The following ORC5 variants were observed in gnomAD, a reference collection of about 807,000 sequenced individuals.
The protein encoded by ORC5 is protein phosphatase 1, regulatory subunit 117.
Under a neutral mutation model 58.8 loss-of-function variants are expected in ORC5, and 39 were observed. That is an observed-to-expected ratio of 0.66 (90% confidence interval 0.51 to 0.87). ORC5 has a LOEUF of 0.87. ORC5 is among the 40% of genes least tolerant of loss of function. The pLI is 0.00. For missense variants in ORC5, 493 were observed against 506.3 expected, an observed-to-expected ratio of 0.97 and a Z score of 0.25; for synonymous variants, 218 against 177.6, an observed-to-expected ratio of 1.23 and a Z score of -1.81.
At chr7:104,127,496 T>C (rs1236483309) in intron 13 of ORC5, among the ~76,000 whole-genome samples, 1 of 152,134 alleles carries the variant, frequency 6.6e-6, no homozygotes, top group East Asian at 1.9e-4. Context: ...GAGAGAGACA[T>C]ATAATTATTC....
intron 8 of ORC5, among the ~76,000 whole-genome samples, chr7:104,168,835 A>G (rs148142160): frequency 0.015 from 2,254 of 152,288 alleles, 60 homozygotes; most frequent in African/African-American, 0.051. Flanking sequence ...TAATCCCAGC[A>G]CTTTGGGAGG....
intron 2 of ORC5, among the ~76,000 whole-genome samples, chr7:104,202,117 C>T (rs1799960588): frequency 6.6e-6 from 1 of 151,832 alleles, no homozygotes; most frequent in Non-Finnish European, 1.5e-5. Flanking sequence ...AAAAAACTAG[C>T]CCTTCATTTA....
chr7:104,170,912 T>A (rs895884207), intron 8 of ORC5, among the ~76,000 whole-genome samples: 1 of 152,182 alleles, frequency 6.6e-6, no homozygotes, highest in Non-Finnish European at 1.5e-5. Flanking sequence ...TTTTACCTCT[T>A]TTTTTAGTTT....
At chr7:104,161,028 G>A in intron 12 of ORC5, 44 bp downstream of exon 12, 1 of 1,060,480 alleles carries the variant, frequency 9.4e-7, no homozygotes, top group Non-Finnish European at 1.5e-6. Flanking sequence ...ACTATCTGAA[G>A]AATCCCACAA....
At chr7:104,150,914 T>C (rs1043014012) in intron 12 of ORC5, among the ~76,000 whole-genome samples, 1 of 152,112 alleles carries the variant, frequency 6.6e-6, no homozygotes, top group Non-Finnish European at 1.5e-5. Flanking sequence ...TATCTGACTA[T>C]AGAGAAGAAA....
At chr7:104,187,632 T>C (rs1799577344) in intron 6 of ORC5, 1 of 469,728 alleles carries the variant, frequency 2.1e-6, no homozygotes, top group African/African-American at 2.1e-5. Flanking sequence ...TTCCCATCCC[T>C]ACAATTAAAA....
intron 6 of ORC5, chr7:104,184,375 G>C (rs1473522841): frequency 9.0e-6 from 5 of 557,322 alleles, no homozygotes; most frequent in South Asian, 8.8e-5. Flanking sequence ...TTGAGCCCAG[G>C]AGATCAAGCC....
intron 12 of ORC5, among the ~76,000 whole-genome samples, chr7:104,145,615 C>T (rs1157624061): frequency 6.6e-6 from 1 of 152,034 alleles, no homozygotes; most frequent in East Asian, 1.9e-4. Flanking sequence ...GAACTTCCCA[C>T]CCAGACAGGA....
intron 6 of ORC5, 184 bp downstream of exon 6, chr7:104,188,067 T>TAC (rs914382174): frequency 1.0e-6 from 1 of 978,074 alleles, no homozygotes; most frequent in African/African-American, 1.6e-5. Flanking sequence ...CACAGACATC[T>TAC]ACCTTCTTAT....
chr7:104,187,765 T>C (rs1430033159), intron 6 of ORC5: 1 of 978,850 alleles, frequency 1.0e-6, no homozygotes, highest in Non-Finnish European at 1.2e-6. Context: ...GATTACCAGC[T>C]CAGGGTCAGT....
rs1009694346 is a variant in ORC5, at chr7:104,129,446, C to T, written c.1263-2553G>A. On this transcript the variant is annotated intron_variant, in intron 13 of 13. Transcript: ENST00000297431. This position sits in a 1 kb window ranked among gnomAD's most constrained non-coding sequence, Gnocchi z 4.9. Reference sequence around the variant, plus strand: ...AAATCATTCCTTTAAGAAACATTTACTTCCCAAGATGTATCACTATCTCTA... The same window carrying T: ...AAATCATTCCTTTAAGAAACATTTATTTCCCAAGATGTATCACTATCTCTA... Among the ~76,000 whole-genome samples, 3 of 152,082 alleles carry T rather than the reference C, an allele frequency of 2.0e-5. No homozygotes were observed. The highest frequency in any genetic ancestry group is 4.8e-5 in the African/African-American group (2 of 41,406).
chr7:104,188,367 T>A lies in ORC5; in HGVS notation c.568A>T (p.Ile190Phe). 6.2e-7 allele frequency: 1 copy of A among 1,609,032 alleles called. No individual in the cohort carries two copies. The highest frequency in any genetic ancestry group is 8.5e-7 in the Non-Finnish European group (1 of 1,176,062). Residue 190 changes from isoleucine (I) to phenylalanine (F), a missense_variant, in exon 6 of 14, where the codon ATC (isoleucine) becomes TTC (phenylalanine). Ile to Phe is a conservative substitution (Grantham distance 21, BLOSUM62 0). Transcript: ENST00000297431. The stretch of plus-strand genomic sequence containing the variant: ...TCTGGAGGATGATCATGGGACAGGA[T>A]CTTTTGAAGGTTGCCTGTTCACAGG... ...PDYSIGNLQK[I>F]LSHDHPPEYS...
chr7:104,192,189 G>C (rs576247731), intron 5 of ORC5, among the ~76,000 whole-genome samples: 2 of 152,258 alleles, frequency 1.3e-5, no homozygotes, highest in South Asian at 2.1e-4. Flanking sequence ...TTGCAGGGCA[G>C]AGTACCTGAG....
intron 1 of ORC5, among the ~76,000 whole-genome samples, chr7:104,207,090 C>T (rs563891994): frequency 6.6e-6 from 1 of 152,314 alleles, no homozygotes; most frequent in African/African-American, 2.4e-5. Flanking sequence ...ACCCTGAATT[C>T]TCATTCACTC....
In ORC5 at chr7:104,138,283, A is replaced by G. The variant is rs1398637332; in HGVS notation, c.1150-1390T>C. Among the ~76,000 whole-genome samples the G allele has an allele frequency of 1.3e-5, 2 of 152,202 alleles. No individual in the cohort carries two copies. Among genetic ancestry groups the G allele is most frequent in the East Asian group, 3.8e-4 (2 of 5,204 alleles). Reference sequence around the variant, plus strand: ...CTTTGTTTCATTACTCAGACACATGACCGCTAAACCTTTAAAAGCTGCAAA... The same window carrying G: ...CTTTGTTTCATTACTCAGACACATGGCCGCTAAACCTTTAAAAGCTGCAAA... On this transcript the variant is annotated intron_variant, in intron 12 of 13. Coordinates refer to ENST00000297431, the MANE Select transcript of ORC5 (RefSeq NM_002553.4). The surrounding 1 kb of genome is among the most constrained non-coding windows in gnomAD (Gnocchi z 4.7).
chr7:104,191,064 A>G lies in ORC5; in HGVS notation c.554-2683T>C, dbSNP rs2116025018. Among the ~76,000 whole-genome samples, 2 of 149,572 alleles carry G rather than the reference A, an allele frequency of 1.3e-5. 1 individual carries two copies. The highest frequency in any genetic ancestry group is 4.9e-5 in the African/African-American group (2 of 40,728). On this transcript the variant is annotated intron_variant, in intron 5 of 13. Transcript: ENST00000297431. ...TTTTATACTTAGAATATTAGCCTGA[A>G]TGGATACTAGATGAGACACTGTTAC... is the stretch of plus-strand genomic sequence containing the variant.
chr7:104,205,151 G>A (rs772876890), intron 1 of ORC5, among the ~76,000 whole-genome samples: 8 of 143,420 alleles, frequency 5.6e-5, no homozygotes, highest in Admixed American at 4.3e-4. Context: ...GTGCAATGGC[G>A]TGACCTCGGC....
intron 8 of ORC5, among the ~76,000 whole-genome samples, chr7:104,170,573 CAGA>C (rs1366507546): frequency 3.3e-5 from 5 of 152,148 alleles, no homozygotes; most frequent in Non-Finnish European, 5.9e-5. Flanking sequence ...TGAGAACCTC[CAGA>C]AGAAAAGCCC....
intron 8 of ORC5, among the ~76,000 whole-genome samples, chr7:104,171,228 G>A (rs1799205565): frequency 1.3e-5 from 2 of 152,180 alleles, no homozygotes; most frequent in African/African-American, 4.8e-5. Flanking sequence ...GGGTGTTAAG[G>A]GGGAAATGTT....
Sources: gnomAD v4.1 joint callset for allele counts (sites outside exome capture counted in the v4.1 genomes callset) on GRCh38, gnomAD v4.1.1 for gene constraint, Gnocchi (gnomAD v3.1) non-coding constraint, MANE v1.5 for transcripts, NCBI Gene and HGNC (gene_info 2026-07-23, HGNC 2026-07-21) for gene names.